The following CYP7B1 variants were observed in gnomAD, a reference collection of about 807,000 sequenced individuals.
CYP7B1 encodes the protein cytochrome P450 7B1.
CYP7B1 carries 29 observed loss-of-function variants against 42.7 expected under a neutral mutation model. The observed-to-expected ratio is 0.68, with a 90% CI of 0.51 to 0.93. The LOEUF (loss-of-function observed/expected upper bound fraction) is 0.93, where lower values mean the gene tolerates loss of function less well. Among genes scored for constraint, CYP7B1 ranks in the 40% least tolerant of loss-of-function variants. The probability of loss-of-function intolerance (pLI) is 0.00; values close to 1 mark genes in which losing one functional copy is unlikely to be tolerated. For synonymous variants in CYP7B1, 235 were observed against 218.2 expected (o/e 1.08, Z -0.68); for missense variants, 655 against 600.5 (o/e 1.09, Z -0.95).
At position 64,592,166 on chromosome 8, in the gene CYP7B1, C is replaced by T. The variant is rs1205778310; in HGVS notation, c.*4476G>A. Among the ~76,000 whole-genome samples the T allele has an allele frequency of 2.7e-5, 4 of 149,958 alleles. No homozygotes were observed. Among genetic ancestry groups the T allele is most frequent in the East Asian group, 2.0e-4 (1 of 5,106 alleles). ...TCATGCCACTGGACTCCAGCCTGGGCGACAGAGCAAGACTCCATCTAAAAA... is the reference window on the plus strand; with the variant it reads ...TCATGCCACTGGACTCCAGCCTGGGTGACAGAGCAAGACTCCATCTAAAAA... On this transcript the variant is annotated 3_prime_UTR_variant, in exon 6 of 6. Transcript: ENST00000310193.
At chr8:64,629,141 C>T (rs1331513713) in intron 1 of CYP7B1, among the ~76,000 whole-genome samples, 2 of 149,288 alleles carry the variant, frequency 1.3e-5, no homozygotes, top group South Asian at 2.1e-4. Flanking sequence ...GCAGGAGAAT[C>T]GCTTGAACCT....
chr8:64,753,868 AGGAAGG>A (rs1451646487), intron 1 of CYP7B1, among the ~76,000 whole-genome samples: 2 of 152,210 alleles, frequency 1.3e-5, no homozygotes, highest in Non-Finnish European at 2.9e-5. Flanking sequence ...CAGTCAGAAG[AGGAAGG>A]GGGCATAGCA....
rs1045202252 is a variant in CYP7B1 at position 64,594,271 on chromosome 8, A to G, written c.*2371T>C. 6.6e-6 allele frequency among the ~76,000 whole-genome samples: 1 copy of G among 152,124 alleles called. No individual in the cohort carries two copies. The highest frequency in any genetic ancestry group is 1.5e-5 in the Non-Finnish European group (1 of 68,030). On this transcript the variant is annotated 3_prime_UTR_variant, in exon 6 of 6. Coordinates refer to ENST00000310193, the MANE Select transcript of CYP7B1 (RefSeq NM_004820.5). The stretch of plus-strand genomic sequence containing the variant: ...TGCTGACAGTGTCCATCACTGGGTA[A>G]CTAGATCATTAAAACATAATGTGTG...
rs561507490 is a variant in CYP7B1 at position 64,650,262 on chromosome 8, A to C, written c.123-25723T>G. Among the ~76,000 whole-genome samples, 5 of 152,346 alleles carry C rather than the reference A, an allele frequency of 3.3e-5. No homozygotes were observed. In the South Asian group the frequency reaches 1.0e-3, roughly 32 times the overall value. ...GACTGTGTATCTGTTCCTAATAATA[A>C]AATGAATCAAATAATATACAGATTA... On this transcript the variant is annotated intron_variant, in intron 1 of 5. Coordinates refer to ENST00000310193, the MANE Select transcript of CYP7B1 (RefSeq NM_004820.5).
chr8:64,679,444 C>A (rs1006269954), intron 1 of CYP7B1, among the ~76,000 whole-genome samples: 3 of 152,038 alleles, frequency 2.0e-5, no homozygotes, highest in African/African-American at 7.2e-5. Flanking sequence ...TTTTATTGCT[C>A]TAAGTTAAAT....
At chr8:64,634,140 T>C (rs1268143887) in intron 1 of CYP7B1, among the ~76,000 whole-genome samples, 1 of 152,242 alleles carries the variant, frequency 6.6e-6, no homozygotes, top group Admixed American at 6.5e-5. Context: ...ATTTATTTTG[T>C]AGAATGGCCC....
chr8:64,772,028 A>T (rs529414996), intron 1 of CYP7B1, among the ~76,000 whole-genome samples: 1 of 152,312 alleles, frequency 6.6e-6, no homozygotes, highest in South Asian at 2.1e-4. Flanking sequence ...CTCATCCCAC[A>T]TGTCACTCTC....
chr8:64,732,580 G>A (rs1171184717), intron 1 of CYP7B1, among the ~76,000 whole-genome samples: 2 of 152,198 alleles, frequency 1.3e-5, no homozygotes, highest in African/African-American at 2.4e-5. Context: ...AATAAGTTAC[G>A]ATGTTGGGGA....
intron 1 of CYP7B1, among the ~76,000 whole-genome samples, chr8:64,741,079 T>G (rs1315305072): frequency 6.6e-6 from 1 of 151,532 alleles, no homozygotes; most frequent in Non-Finnish European, 1.5e-5. Context: ...CAAACAAAAT[T>G]TAACATAATA....
chr8:64,733,456 T>G (rs1265262094), intron 1 of CYP7B1, among the ~76,000 whole-genome samples: 3 of 152,150 alleles, frequency 2.0e-5, no homozygotes, highest in Non-Finnish European at 4.4e-5. Flanking sequence ...GGGCATTATC[T>G]CCTATCTCCT....
intron 1 of CYP7B1, among the ~76,000 whole-genome samples, chr8:64,759,890 C>T (rs925490546): frequency 1.3e-5 from 2 of 152,034 alleles, no homozygotes; most frequent in African/African-American, 2.4e-5. Flanking sequence ...AAAAAATATA[C>T]AAAAGTTAAA....
chr8:64,738,619 C>A (rs1023114307), intron 1 of CYP7B1, among the ~76,000 whole-genome samples: 1 of 152,088 alleles, frequency 6.6e-6, no homozygotes, highest in Non-Finnish European at 1.5e-5. Context: ...AACTAAACTT[C>A]TGGTTTCAGC....
intron 1 of CYP7B1, among the ~76,000 whole-genome samples, chr8:64,749,584 C>T (rs1303364619): frequency 1.3e-5 from 2 of 152,108 alleles, no homozygotes; most frequent in Non-Finnish European, 2.9e-5. Flanking sequence ...AAGCTAGATA[C>T]GTAAGAAACT....
intron 1 of CYP7B1, among the ~76,000 whole-genome samples, chr8:64,644,271 CAAA>C (rs775932351): frequency 7.4e-5 from 7 of 94,628 alleles, no homozygotes; most frequent in Admixed American, 1.1e-4. Flanking sequence ...GACTCCATCT[CAAA>C]AAAAAAAAAA....
chr8:64,604,916 T>C (rs1805257262), intron 4 of CYP7B1, 59 bp from the exon 5 acceptor site: 2 of 1,548,956 alleles, frequency 1.3e-6, no homozygotes, highest in African/African-American at 1.4e-5. Context: ...AAAACTGCTC[T>C]CAGTTTGCAA....
intron 1 of CYP7B1, among the ~76,000 whole-genome samples, chr8:64,662,873 C>T (rs1343130698): frequency 5.9e-5 from 9 of 152,156 alleles, no homozygotes; most frequent in Admixed American, 5.9e-4. Context: ...TGACCCCAGT[C>T]CTGCATTTTC....
At chr8:64,603,841 T>C (rs1326192629) in intron 5 of CYP7B1, among the ~76,000 whole-genome samples, 2 of 152,242 alleles carry the variant, frequency 1.3e-5, no homozygotes, top group African/African-American at 4.8e-5. Flanking sequence ...CCAGCCTGGA[T>C]GCAAAACATC....
At chr8:64,648,043 A>G (rs1454446412) in intron 1 of CYP7B1, among the ~76,000 whole-genome samples, 1 of 152,106 alleles carries the variant, frequency 6.6e-6, no homozygotes, top group Non-Finnish European at 1.5e-5. Flanking sequence ...ATTACTCTAT[A>G]CTCAATTTGT....
intron 1 of CYP7B1, among the ~76,000 whole-genome samples, chr8:64,706,950 TA>T (rs1225457480): frequency 6.6e-6 from 1 of 152,014 alleles, no homozygotes; most frequent in Non-Finnish European, 1.5e-5. Flanking sequence ...CAAGCAGTCG[TA>T]ACAATTGAGC....
Sources: allele counts gnomAD v4.1 joint callset (sites outside exome capture counted in the v4.1 genomes callset), GRCh38; gene constraint gnomAD v4.1.1; transcripts MANE v1.5; gene names NCBI Gene and HGNC (gene_info 2026-07-23, HGNC 2026-07-21).